Variants in CTBP2 observed in about 807,000 individuals in gnomAD.
The protein encoded by CTBP2 is C-terminal binding protein 2, also known as C-terminal-binding protein 2.
Under a neutral mutation model 80.3 loss-of-function variants are expected in CTBP2, and 30 were observed. The ratio of observed to expected loss-of-function variants is 0.37; its 90% CI spans 0.28 to 0.51. The LOEUF is 0.51. Ranked by LOEUF, CTBP2 falls within the 20% of genes least tolerant of loss-of-function variation. The pLI, the probability that CTBP2 is intolerant of heterozygous loss-of-function variation, is 0.93. For missense variants in CTBP2, 1,212 were observed against 1,375.3 expected (o/e 0.88, Z 1.88); for synonymous variants, 594 against 587.4 (o/e 1.01, Z -0.16).
intron 1 of CTBP2, among the ~76,000 whole-genome samples, chr10:125,008,495 G>A (rs1484850157): frequency 1.3e-5 from 2 of 152,238 alleles, no homozygotes; most frequent in African/African-American, 2.4e-5. Flanking sequence ...TGGCCTTGCA[G>A]GAGGGAGCCT....
intron 2 of CTBP2, among the ~76,000 whole-genome samples, chr10:125,046,335 G>C (rs373809182): frequency 2.0e-5 from 3 of 151,918 alleles, no homozygotes; most frequent in Non-Finnish European, 4.4e-5. Context: ...TCAGAAGTTC[G>C]AGACCAGCCT....
intron 2 of CTBP2, among the ~76,000 whole-genome samples, chr10:125,041,588 A>G (rs1959830653): frequency 6.9e-6 from 1 of 144,876 alleles, no homozygotes; most frequent in Admixed American, 7.4e-5. Flanking sequence ...GCTCAGGCGC[A>G]AGCTCTGATG....
chr10:125,046,461 C>G (rs1351654777), intron 2 of CTBP2, among the ~76,000 whole-genome samples: 1 of 147,566 alleles, frequency 6.8e-6, no homozygotes, highest in Non-Finnish European at 1.5e-5. Flanking sequence ...TCGCTTGAAC[C>G]CAGGAAGTGT....
upstream of CTBP2, among the ~76,000 whole-genome samples, chr10:125,028,660 G>A (rs1437946305): frequency 1.3e-5 from 2 of 152,260 alleles, no homozygotes; most frequent in Admixed American, 6.5e-5. Context: ...AGGGAAGGGC[G>A]TGTGTAATCT....
rs766694674 is a variant in CTBP2, at chr10:125,003,029, C to A, written c.1909G>T (p.Ala637Ser). 6.2e-7 allele frequency: 1 copy of A among 1,614,062 alleles called. No homozygotes were observed. Among genetic ancestry groups the A allele is most frequent in the Non-Finnish European group, 8.5e-7 (1 of 1,180,022 alleles). The change falls in exon 3 of 9, where the codon GCC becomes TCC. Residue 637 changes from alanine (A) to serine (S), a missense_variant. This residue lies in a region of CTBP2 where 335 missense variants were observed against 504.7 expected (regional missense o/e 0.66). Coordinates refer to ENST00000309035, the MANE Select transcript of CTBP2 (RefSeq NM_022802.3). ...CCTATCCGCACGATCACTCTCAGGGCCTTGAACTTCTCCAGGTCCTCCCTG... is the reference window on the plus strand; with the variant it reads ...CCTATCCGCACGATCACTCTCAGGGACTTGAACTTCTCCAGGTCCTCCCTG...
At chr10:125,063,314 G>A (rs1223510979) in intron 2 of CTBP2, among the ~76,000 whole-genome samples, 2 of 152,116 alleles carry the variant, frequency 1.3e-5, no homozygotes, top group African/African-American at 2.4e-5. Context: ...TAAGAAATAC[G>A]GAGAATTTAT....
chr10:125,024,247 GATA>G (rs1021452591), intron 1 of CTBP2, among the ~76,000 whole-genome samples: 1 of 152,218 alleles, frequency 6.6e-6, no homozygotes, highest in African/African-American at 2.4e-5. Flanking sequence ...GGGTGTGGGG[GATA>G]ATGCCACAAT....
In CTBP2 at chr10:125,108,507, CTTACTTTGG is replaced by C. The variant is rs1026806039; in HGVS notation, c.-102+2474_-102+2482del. The stretch of plus-strand genomic sequence containing the variant: ...CTCTGGTTGAAATCCATACGTGGTC[CTTACTTTGG>C]TTACAATCCCACATGACCTCCTTGT... On this transcript the variant is annotated intron_variant, in intron 2 of 10. Coordinates refer to the CTBP2 transcript ENST00000337195. Among the ~76,000 whole-genome samples the C allele has an allele frequency of 3.0e-4, 45 of 152,288 alleles. 1 individual carries two copies. The highest frequency in any genetic ancestry group is 1.1e-3 in the African/African-American group (45 of 41,544).
intron 2 of CTBP2, among the ~76,000 whole-genome samples, chr10:125,077,591 C>T (rs1846471248): frequency 6.6e-6 from 1 of 152,184 alleles, no homozygotes. Flanking sequence ...AAAGCCACAT[C>T]CAACAGCACA....
intron 2 of CTBP2, among the ~76,000 whole-genome samples, chr10:125,073,564 G>C (rs1240635540): frequency 2.0e-5 from 3 of 152,110 alleles, no homozygotes; most frequent in African/African-American, 7.2e-5. Context: ...CTTTCAAATG[G>C]GATTTATTTT....
At chr10:125,017,522 T>C (rs936814833) in intron 1 of CTBP2, among the ~76,000 whole-genome samples, 6 of 152,210 alleles carry the variant, frequency 3.9e-5, no homozygotes, top group Admixed American at 1.3e-4. Flanking sequence ...TTTTCCTACA[T>C]TTACTTTTCC....
At chr10:125,129,360 T>A (rs538770651) in intron 1 of CTBP2, among the ~76,000 whole-genome samples, 36 of 152,256 alleles carry the variant, frequency 2.4e-4, no homozygotes, top group African/African-American at 8.4e-4. Flanking sequence ...CTTAAGGTCA[T>A]GCATTTCATT....
intron 5 of CTBP2, 132 bp from the exon 8 acceptor site, chr10:124,994,117 G>A: frequency 1.6e-6 from 2 of 1,260,158 alleles, no homozygotes; most frequent in South Asian, 1.4e-5. Context: ...GCAGTTTGAG[G>A]GAAGGGAGTG....
intron 1 of CTBP2, among the ~76,000 whole-genome samples, chr10:125,009,251 C>T (rs10732902): frequency 0.95 from 144,183 of 152,306 alleles, 68,374 homozygotes; most frequent in Non-Finnish European, 0.98. Flanking sequence ...AACGAGCATT[C>T]CAAACAGAGC....
chr10:125,092,119 T>C (rs1848843516), intron 2 of CTBP2, among the ~76,000 whole-genome samples: 1 of 151,772 alleles, frequency 6.6e-6, no homozygotes, highest in African/African-American at 2.4e-5. Flanking sequence ...TTTCTTGGCA[T>C]TGGGTGGGGA....
intron 3 of CTBP2, among the ~76,000 whole-genome samples, chr10:125,034,829 T>C (rs1466719796): frequency 6.6e-6 from 1 of 152,224 alleles, no homozygotes; most frequent in Non-Finnish European, 1.5e-5. Flanking sequence ...CTGTGGATTA[T>C]GTTCTTTCCT....
At chr10:125,022,840 C>T (rs1957185674) in intron 1 of CTBP2, among the ~76,000 whole-genome samples, 1 of 152,218 alleles carries the variant, frequency 6.6e-6, no homozygotes, top group African/African-American at 2.4e-5. Context: ...CGTCCTCTGC[C>T]CCAGGACAGA....
chr10:125,070,932 A>C (rs996415934), intron 2 of CTBP2, among the ~76,000 whole-genome samples: 1 of 152,212 alleles, frequency 6.6e-6, no homozygotes, highest in Non-Finnish European at 1.5e-5. Context: ...GCTTGGCCTA[A>C]AATTTTTCTA....
intron 2 of CTBP2, among the ~76,000 whole-genome samples, chr10:125,063,167 G>A (rs570234499): frequency 2.6e-4 from 39 of 152,290 alleles, no homozygotes; most frequent in African/African-American, 8.7e-4. Flanking sequence ...AACCAAAAAC[G>A]AACAATGGGA....
Sources: gnomAD v4.1 joint callset for allele counts (sites outside exome capture counted in the v4.1 genomes callset) on GRCh38, gnomAD v4.1.1 for gene constraint, gnomAD v4.1.1 regional missense constraint, MANE v1.5 for transcripts, NCBI Gene and HGNC (gene_info 2026-07-23, HGNC 2026-07-21) for gene names.